The following LRAT variants were observed in gnomAD, a reference collection of about 807,000 sequenced individuals.
The protein encoded by LRAT is lecithin retinol acyltransferase (phosphatidylcholine--retinol O-acyltransferase).
Under a neutral mutation model 14.2 loss-of-function variants are expected in LRAT, and 11 were observed. The observed-to-expected ratio is 0.78, with a 90% CI of 0.49 to 1.29. The LOEUF is 1.29. LRAT is among the 50% of genes most tolerant of loss of function. LRAT has a pLI of 0.00. For synonymous variants in LRAT, 144 were observed against 124.8 expected (o/e 1.15, Z -1.03); for missense variants, 274 against 292.4 (o/e 0.94, Z 0.46).
At chr4:154,746,232 C>G (rs1486715831) in intron 2 of LRAT, among the ~76,000 whole-genome samples, 1 of 152,096 alleles carries the variant, frequency 6.6e-6, no homozygotes, top group African/African-American at 2.4e-5. Flanking sequence ...TTTAGTGTTA[C>G]TCTTCATGTT....
chr4:154,747,033 A>G (rs1732896335), intron 2 of LRAT, among the ~76,000 whole-genome samples: 1 of 152,172 alleles, frequency 6.6e-6, no homozygotes, highest in Non-Finnish European at 1.5e-5. Flanking sequence ...ACTGGTTTCT[A>G]CTTTTTAGAA....
chr4:154,750,972 C>T lies in LRAT; in HGVS notation c.*1836C>T, dbSNP rs1241355910. Reference sequence around the variant, plus strand: ...AAGACCCCTCATTAAAAGCCAAGGACGTTCTTAAGATTGGAACTGACATAA... The same window carrying T: ...AAGACCCCTCATTAAAAGCCAAGGATGTTCTTAAGATTGGAACTGACATAA... On this transcript the variant is annotated 3_prime_UTR_variant, in exon 3 of 3. Transcript: ENST00000336356. 5.9e-5 allele frequency: 9 copies of T among 152,166 alleles called. No individual in the cohort carries two copies. Among genetic ancestry groups the T allele is most frequent in the Admixed American group, 2.6e-4 (4 of 15,280 alleles). 9.4% of individuals were successfully genotyped at this position (152,166 alleles called of 1,614,324 possible).
In LRAT at chr4:154,749,313, TC is replaced by T; in HGVS notation, c.*178del. On this transcript the variant is annotated 3_prime_UTR_variant, in exon 3 of 3. Coordinates refer to ENST00000336356, the MANE Select transcript of LRAT (RefSeq NM_004744.5). ...TGTGTAAGCCCAAGAACAAAGGCTTTCTGAATCTTCTCAGGCAGTTCAGATT... is the reference window on the plus strand; with the variant it reads ...TGTGTAAGCCCAAGAACAAAGGCTTTTGAATCTTCTCAGGCAGTTCAGATT... 1 of 668,004 alleles carries T rather than the reference TC, an allele frequency of 1.5e-6. No individual in the cohort carries two copies. The highest frequency in any genetic ancestry group is 2.6e-6 in the Non-Finnish European group (1 of 386,588). 41.4% of individuals were successfully genotyped at this position (668,004 alleles called of 1,614,324 possible).
intron 2 of LRAT, among the ~76,000 whole-genome samples, chr4:154,748,658 A>G (rs1380769830): frequency 6.6e-6 from 1 of 152,166 alleles, no homozygotes; most frequent in Non-Finnish European, 1.5e-5. Context: ...ATTTTAAAAT[A>G]TGCTATTGTT....
chr4:154,744,359 A>G lies in LRAT; in HGVS notation c.33A>G (p.Leu11=). Residue 11 remains leucine (L), a synonymous_variant, in exon 2 of 3, where the codon TTA becomes TTG. Coordinates refer to ENST00000336356, the MANE Select transcript of LRAT (RefSeq NM_004744.5). Reference sequence around the variant, plus strand: ...ACCCCATGCTGGAGGTGGTGTCTTTACTACTGGAGAAGCTGCTCCTCATCT... The same window carrying G: ...ACCCCATGCTGGAGGTGGTGTCTTTGCTACTGGAGAAGCTGCTCCTCATCT... MKNPMLEVVS[L]LLEKLLLISN... 1 of 1,614,080 alleles carries G rather than the reference A, an allele frequency of 6.2e-7. No individual in the cohort carries two copies. The highest frequency in any genetic ancestry group is 8.5e-7 in the Non-Finnish European group (1 of 1,180,030).
intron 2 of LRAT, chr4:154,745,255 T>C (rs1732865103): frequency 4.9e-6 from 1 of 205,558 alleles, no homozygotes; most frequent in Admixed American, 5.3e-5. Context: ...TCTCCTGACC[T>C]CGTGATCCTC....
rs141705269 is a variant in LRAT at position 154,744,406 on chromosome 4, C to T, written c.80C>T (p.Ser27Leu). ...ATCTCCAACTTCACGCTCTTTAGTT[C>T]GGGCGCCGCGGGCGAAGACAAAGGG... Reference protein sequence around the residue: ...LLISNFTLFSSGAAGEDKGRN... With the variant: ...LLISNFTLFSLGAAGEDKGRN... The change falls in exon 2 of 3, where the codon TCG (serine) becomes TTG (leucine). Residue 27 changes from serine to leucine, a missense_variant. Transcript: ENST00000336356. The T allele has an allele frequency of 1.9e-6, 3 of 1,614,074 alleles. No individual in the cohort carries two copies. Among genetic ancestry groups the T allele is most frequent in the East Asian group, 2.2e-5 (1 of 44,832 alleles).
At chr4:154,743,037 AC>A (rs1487124165), upstream of LRAT, among the ~76,000 whole-genome samples, 1 of 150,130 alleles carries the variant, frequency 6.7e-6, no homozygotes, top group Non-Finnish European at 1.5e-5. Context: ...TTCGTACTCA[AC>A]GGCCACAGGT....
intron 2 of LRAT, among the ~76,000 whole-genome samples, chr4:154,746,926 G>C (rs952555770): frequency 6.6e-6 from 1 of 151,188 alleles, no homozygotes; most frequent in African/African-American, 2.4e-5. Context: ...TAGATTTCCC[G>C]GGGGAAAAAA....
chr4:154,750,876 T>G lies in LRAT; in HGVS notation c.*1740T>G, dbSNP rs1048701804. The G allele has an allele frequency of 3.9e-5, 6 of 152,156 alleles. No individual in the cohort carries two copies. Among genetic ancestry groups the G allele is most frequent in the Non-Finnish European group, 5.9e-5 (4 of 68,018 alleles). 9.4% of individuals were successfully genotyped at this position (152,156 alleles called of 1,614,324 possible). A position where few individuals can be genotyped will look rare whatever the true frequency, so the allele number is the denominator to read the frequency against. On this transcript the variant is annotated 3_prime_UTR_variant, in exon 3 of 3. Coordinates refer to ENST00000336356, the MANE Select transcript of LRAT (RefSeq NM_004744.5). ...AAATATAGTGTCCTCAAATAATTAA[T>G]TTTTTTGCAAACTTTAGTTATTACA...
In LRAT at chr4:154,744,055, G is replaced by T; in HGVS notation, c.-169G>T. On this transcript the variant is annotated 5_prime_UTR_variant, in exon 1 of 3. Coordinates refer to ENST00000336356, the MANE Select transcript of LRAT (RefSeq NM_004744.5). ...GGCCCCCAGGTGCGCTCCTTCTCCG[G>T]CTGCTTGTAGCACTGGTCTCACTGT... 1 of 508,796 alleles carries T rather than the reference G, an allele frequency of 2.0e-6. No homozygotes were observed. Among genetic ancestry groups the T allele is most frequent in the South Asian group, 2.2e-5 (1 of 45,062 alleles). The allele number at this position is 508,796 out of a possible 1,614,324, so 31.5% of individuals were successfully genotyped here. A position where few individuals can be genotyped will look rare whatever the true frequency, so the allele number is the denominator to read the frequency against.
Position 154,749,350 on chromosome 4 carries a change from T to C in LRAT, c.*214T>C. On this transcript the variant is annotated 3_prime_UTR_variant, in exon 3 of 3. Transcript: ENST00000336356. ...CAGGCAGTTCAGATTTAAAGCACCA[T>C]CCAAACCTTGGAAATACGACAGGGT... The C allele has an allele frequency of 1.8e-6, 1 of 558,380 alleles. No individual in the cohort carries two copies. The highest frequency in any genetic ancestry group is 3.2e-6 in the Non-Finnish European group (1 of 314,142). 34.6% of individuals were successfully genotyped at this position (558,380 alleles called of 1,614,324 possible). A position where few individuals can be genotyped will look rare whatever the true frequency, so the allele number is the denominator to read the frequency against.
intron 2 of LRAT, among the ~76,000 whole-genome samples, chr4:154,746,972 C>T (rs1464168890): frequency 1.3e-5 from 2 of 152,118 alleles, no homozygotes; most frequent in Non-Finnish European, 2.9e-5. Context: ...ATTCTACAAA[C>T]TGTTTTTGAA....
In LRAT at chr4:154,749,061, A is replaced by G. The variant is rs765190136; in HGVS notation, c.618A>G (p.Ile206Met). 6.8e-6 allele frequency: 11 copies of G among 1,613,834 alleles called. No individual in the cohort carries two copies. The highest frequency in any genetic ancestry group is 1.3e-5 in the African/African-American group (1 of 75,034). ...LASAVLGLAS[I>M]VCTGLVSYTT... ...CAGCAGTCTTGGGATTGGCGTCTAT[A>G]GTCTGTACGGGCTTGGTATCATACA... The change falls in exon 3 of 3, where the codon ATA becomes ATG. Residue 206 changes from isoleucine to methionine, a missense_variant. Ile to Met is a conservative substitution (Grantham distance 10). Transcript: ENST00000336356.
Position 154,744,854 on chromosome 4 carries a change from C to G in LRAT, c.528C>G (p.Pro176=), listed in dbSNP as rs1385528380. ...GCAGATATGGCACCCCGATCAGTCC[C>G]CAGTCCGACAAGGTATGATGTGTGA... ...TYCRYGTPIS[P]QSDKFCETVK... is the part of the protein sequence containing the mutation. The change falls in exon 2 of 3, where the codon CCC becomes CCG. Residue 176 remains proline (P), a synonymous_variant. Coordinates refer to ENST00000336356, the MANE Select transcript of LRAT (RefSeq NM_004744.5). 6.2e-7 allele frequency: 1 copy of G among 1,613,412 alleles called. No individual in the cohort carries two copies. The highest frequency in any genetic ancestry group is 2.2e-5 in the East Asian group (1 of 44,856).
chr4:154,744,591 C>A lies in LRAT; in HGVS notation c.265C>A (p.Gln89Lys), dbSNP rs1732841016. 6.2e-7 allele frequency: 1 copy of A among 1,614,040 alleles called. No homozygotes were observed. The highest frequency in any genetic ancestry group is 1.3e-5 in the African/African-American group (1 of 74,918). ...LALTDDMGRTQKVVSNKRLIL... is the reference protein window; with the variant it reads ...LALTDDMGRTKKVVSNKRLIL... ...CCTGACAGACGACATGGGGCGCACG[C>A]AGAAGGTGGTCTCCAACAAGCGTCT... is the stretch of plus-strand genomic sequence containing the variant. The change falls in exon 2 of 3, where the codon CAG becomes AAG. Residue 89 changes from glutamine to lysine, a missense_variant. Physicochemically the swap from Gln to Lys is moderately conservative, Grantham distance 53. Coordinates refer to ENST00000336356, the MANE Select transcript of LRAT (RefSeq NM_004744.5).
chr4:154,743,490 G>A (rs1249091934), upstream of LRAT, among the ~76,000 whole-genome samples: 2 of 152,124 alleles, frequency 1.3e-5, no homozygotes, highest in Non-Finnish European at 2.9e-5. Flanking sequence ...GCAAGGCACT[G>A]TCTCAAAACA....
rs753911609 is a variant in LRAT at position 154,744,546 on chromosome 4, A to G, written c.220A>G (p.Met74Val). ...AGGAGACAACCGTGTTGCCCACATG[A>G]TGCCCGACATCCTGTTGGCCCTGAC... Reference protein sequence around the residue: ...YLGDNRVAHMMPDILLALTDD... With the variant: ...YLGDNRVAHMVPDILLALTDD... Residue 74 changes from methionine to valine, a missense_variant, in exon 2 of 3, where the codon ATG (methionine) becomes GTG (valine). Physicochemically the swap from Met to Val is conservative, Grantham distance 21 (BLOSUM62 1). Transcript: ENST00000336356. 3.7e-6 allele frequency: 6 copies of G among 1,614,086 alleles called. No individual in the cohort carries two copies. The South Asian group carries it at 6.6e-5, about 18-fold the overall frequency.
chr4:154,742,308 C>T (rs1732783385), upstream of LRAT, among the ~76,000 whole-genome samples: 1 of 152,146 alleles, frequency 6.6e-6, no homozygotes, highest in African/African-American at 2.4e-5. Context: ...GTTTTCTCCT[C>T]TTTGCTGGGA....
Sources: allele counts gnomAD v4.1 joint callset (sites outside exome capture counted in the v4.1 genomes callset), GRCh38; gene constraint gnomAD v4.1.1; transcripts MANE v1.5; gene names NCBI Gene and HGNC (gene_info 2026-07-23, HGNC 2026-07-21).